Variants in TESPA1 observed in about 807,000 individuals in gnomAD.
TESPA1 encodes the protein thymocyte expressed, positive selection associated 1, also known as protein TESPA1.
In TESPA1, 33 loss-of-function variants were observed where a neutral mutation model predicts 57.9. The observed-to-expected ratio is 0.57, with a 90% CI of 0.43 to 0.76. The LOEUF (loss-of-function observed/expected upper bound fraction) is 0.76. TESPA1 is among the 30% of genes least tolerant of loss of function. TESPA1 has a pLI of 0.00. For synonymous variants in TESPA1, 227 were observed against 228.9 expected, an observed-to-expected ratio of 0.99 and a Z score of 0.07; for missense variants, 618 against 632.9, an observed-to-expected ratio of 0.98 and a Z score of 0.25.
chr12:54,951,740 C>T (rs920140489), intron 10 of TESPA1, among the ~76,000 whole-genome samples: 8 of 151,828 alleles, frequency 5.3e-5, no homozygotes, highest in Non-Finnish European at 1.5e-5. Flanking sequence ...CACCCTCCTT[C>T]TTGAGAGAAA....
chr12:54,957,727 C>T (rs905435746), intron 10 of TESPA1, among the ~76,000 whole-genome samples: 4 of 152,158 alleles, frequency 2.6e-5, no homozygotes, highest in Admixed American at 1.3e-4. Flanking sequence ...AAAAAAATCA[C>T]AAAATATTTT....
intron 9 of TESPA1, 147 bp downstream of exon 9, chr12:54,962,284 A>G (rs1364928954): frequency 2.0e-6 from 2 of 993,018 alleles, no homozygotes. Context: ...CTGTATATTA[A>G]CCCTGAATTG....
At chr12:54,977,708 A>G (rs572676658) in intron 1 of TESPA1, among the ~76,000 whole-genome samples, 1 of 152,340 alleles carries the variant, frequency 6.6e-6, no homozygotes, top group East Asian at 1.9e-4. Context: ...TTTCCTGGCA[A>G]TTTGGGTGAG....
At chr12:54,977,523 C>G (rs7315419) in intron 1 of TESPA1, among the ~76,000 whole-genome samples, 51,221 of 152,092 alleles carry the variant, frequency 0.34, 10,904 homozygotes, top group East Asian at 0.89. Context: ...CTCCCTGTCT[C>G]TATGTCCTAT....
At chr12:54,964,738 G>T (rs944388706) in intron 7 of TESPA1, among the ~76,000 whole-genome samples, 3 of 152,224 alleles carry the variant, frequency 2.0e-5, no homozygotes, top group Non-Finnish European at 4.4e-5. Context: ...TAGCTGGACG[G>T]TCGGAATCCC....
In TESPA1 at chr12:54,962,857, A is replaced by G. The variant is rs1343012474; in HGVS notation, c.1041T>C (p.Pro347=). The change falls in exon 9 of 11, where the codon CCT becomes CCC. Residue 347 remains proline, a synonymous_variant. Transcript: ENST00000449076. The part of the protein sequence containing the change: ...GQFSQEDPVP[P]AEGKKLPTSP... ...AAGTGGGCAACTTCTTACCCTCAGC[A>G]GGGGGCACAGGATCTTCCTGTGAGA... The G allele has an allele frequency of 6.2e-7, 1 of 1,613,774 alleles. No individual in the cohort carries two copies. Among genetic ancestry groups the G allele is most frequent in the South Asian group, 1.1e-5 (1 of 91,074 alleles).
intron 3 of TESPA1, among the ~76,000 whole-genome samples, chr12:54,969,143 A>G (rs910294364): frequency 1.7e-4 from 25 of 150,618 alleles, no homozygotes; most frequent in African/African-American, 5.6e-4. Flanking sequence ...CTGAATTTTA[A>G]TATGTCCTTA....
At chr12:54,952,219 G>A (rs1950445328) in intron 10 of TESPA1, among the ~76,000 whole-genome samples, 1 of 152,142 alleles carries the variant, frequency 6.6e-6, no homozygotes, top group South Asian at 2.1e-4. Flanking sequence ...GCAGAAAGGA[G>A]GCCCTCACCG....
Position 54,983,594 on chromosome 12 carries a change from A to G in TESPA1, c.-46+991T>C, listed in dbSNP as rs1029965562. Reference sequence around the variant, plus strand: ...CTACTCAGGACCATTTGTGGTATACAGAGTCACTAGTACTTCCCTGGATAT... The same window carrying G: ...CTACTCAGGACCATTTGTGGTATACGGAGTCACTAGTACTTCCCTGGATAT... On this transcript the variant is annotated intron_variant, in intron 1 of 10. Coordinates refer to ENST00000449076, the MANE Select transcript of TESPA1 (RefSeq NM_001136030.3). Among the ~76,000 whole-genome samples the G allele has an allele frequency of 2.6e-5, 4 of 152,172 alleles. No homozygotes were observed. The South Asian group carries it at 6.2e-4, about 24-fold the overall frequency.
At chr12:54,984,457 G>A (rs901329080) in intron 1 of TESPA1, 128 bp downstream of exon 1, 1 of 152,218 alleles carries the variant, frequency 6.6e-6, no homozygotes, top group African/African-American at 2.4e-5. Flanking sequence ...AAGTAAGAGT[G>A]GTGGGAGATT....
At chr12:54,973,449 A>C (rs555252261) in intron 3 of TESPA1, 28 bp downstream of exon 3, 1 of 1,613,840 alleles carries the variant, frequency 6.2e-7, no homozygotes, top group African/African-American at 1.3e-5. Context: ...TCAGCCACAT[A>C]CCACCCCATT....
intron 1 of TESPA1, among the ~76,000 whole-genome samples, chr12:54,979,073 A>C (rs745568253): frequency 2.6e-5 from 4 of 152,170 alleles, no homozygotes; most frequent in Admixed American, 6.5e-5. Context: ...CTTGGATCCT[A>C]ATGTACATTT....
chr12:54,954,118 G>A (rs983974800), intron 10 of TESPA1, among the ~76,000 whole-genome samples: 5 of 152,118 alleles, frequency 3.3e-5, no homozygotes, highest in Non-Finnish European at 2.9e-5. Context: ...ATGAAGCTCA[G>A]ATCCAAGTAC....
intron 10 of TESPA1, among the ~76,000 whole-genome samples, chr12:54,954,407 T>C (rs1485920288): frequency 6.6e-6 from 1 of 152,238 alleles, no homozygotes; most frequent in Non-Finnish European, 1.5e-5. Context: ...CCTTTATCTA[T>C]ACTGTCTCAT....
At chr12:54,953,676 G>A (rs887786517) in intron 10 of TESPA1, among the ~76,000 whole-genome samples, 2 of 151,890 alleles carry the variant, frequency 1.3e-5, no homozygotes, top group Admixed American at 1.3e-4. Flanking sequence ...CCGCCACTAC[G>A]CCTGGCTAAT....
At position 54,956,851 on chromosome 12, in the gene TESPA1, C is replaced by T. The variant is rs144484153; in HGVS notation, c.*1+4317G>A. Reference sequence around the variant, plus strand: ...GGCGGAAGATGGAGGGGGAAGACAGCGTGAGAGGGCAAGAAAGCAAGACAC... The same window carrying T: ...GGCGGAAGATGGAGGGGGAAGACAGTGTGAGAGGGCAAGAAAGCAAGACAC... On this transcript the variant is annotated intron_variant, in intron 10 of 10. Coordinates refer to ENST00000449076, the MANE Select transcript of TESPA1 (RefSeq NM_001136030.3). 1.3e-3 allele frequency among the ~76,000 whole-genome samples: 192 copies of T among 152,262 alleles called. 2 individuals carry two copies. In the South Asian group the frequency reaches 0.018, roughly 14 times the overall value.
intron 2 of TESPA1, chr12:54,973,742 T>A: frequency 7.6e-7 from 1 of 1,311,112 alleles, no homozygotes; most frequent in Non-Finnish European, 9.7e-7. Context: ...CCCAAGAACC[T>A]GGAAAGTGCC....
intron 2 of TESPA1, 136 bp from the exon 3 acceptor site, chr12:54,973,655 T>C (rs1951985651): frequency 6.6e-7 from 1 of 1,515,136 alleles, no homozygotes; most frequent in South Asian, 1.3e-5. Flanking sequence ...AGCTTTTCTT[T>C]AAGATATGAG....
chr12:54,964,939 G>A (rs1458252242), intron 7 of TESPA1, among the ~76,000 whole-genome samples: 1 of 152,182 alleles, frequency 6.6e-6, no homozygotes, highest in East Asian at 1.9e-4. Flanking sequence ...ACTAGGGTAT[G>A]AACTAGGACT....
Sources: gnomAD v4.1 joint callset for allele counts (sites outside exome capture counted in the v4.1 genomes callset) on GRCh38, gnomAD v4.1.1 for gene constraint, MANE v1.5 for transcripts, NCBI Gene and HGNC (gene_info 2026-07-23, HGNC 2026-07-21) for gene names.